Variants in NDRG2 observed in about 807,000 individuals in gnomAD.
NDRG2 encodes NDRG family member 2, also known as protein NDRG2.
In NDRG2, 34 loss-of-function variants were observed where a neutral mutation model predicts 58.2. That is an observed-to-expected ratio of 0.58 (90% confidence interval 0.44 to 0.78). NDRG2 has a LOEUF of 0.78. NDRG2 is among the 30% of genes least tolerant of loss of function. NDRG2 has a pLI of 0.00. For synonymous variants in NDRG2, 187 were observed against 175.9 expected (o/e 1.06, Z -0.50); for missense variants, 434 against 471.2 (o/e 0.92, Z 0.73).
chr14:21,027,435 A>G (rs747460572), upstream of NDRG2, among the ~76,000 whole-genome samples: 2 of 152,240 alleles, frequency 1.3e-5, no homozygotes, highest in Non-Finnish European at 2.9e-5. Flanking sequence ...ACATTTTGAC[A>G]TTTGTCAAGA....
At position 21,052,744 on chromosome 14, in the gene NDRG2, T is replaced by C. The variant is rs144118463; in HGVS notation, c.24+18084A>G. 2.8e-3 allele frequency among the ~76,000 whole-genome samples: 433 copies of C among 152,270 alleles called. 2 individuals are homozygous for C. Among genetic ancestry groups the C allele is most frequent in the Middle Eastern group, 0.017 (5 of 294 alleles). ...CCACTGGAGATAAACAGATGATCTT[T>C]AGAGAAATGATGCAGGAAAAGGAAT... is the stretch of plus-strand genomic sequence containing the variant. On this transcript the variant is annotated intron_variant, in intron 1 of 14. Coordinates refer to the NDRG2 transcript ENST00000403829.
chr14:21,067,899 T>C (rs1180880739), intron 1 of NDRG2, among the ~76,000 whole-genome samples: 2 of 151,418 alleles, frequency 1.3e-5, no homozygotes, highest in Non-Finnish European at 2.9e-5. Flanking sequence ...TTAAAACTCC[T>C]GGAAAGAAGG....
At position 21,070,768 on chromosome 14, in the gene NDRG2, G is replaced by T; in HGVS notation, c.24+60C>A. ...AGCTCCTTACCCGCGGGAGACCCCTGCGGGTTGGTCCTGCAGCGACCCTGG... is the reference window on the plus strand; with the variant it reads ...AGCTCCTTACCCGCGGGAGACCCCTTCGGGTTGGTCCTGCAGCGACCCTGG... On this transcript the variant is annotated intron_variant, in intron 1 of 14. Coordinates refer to the NDRG2 transcript ENST00000403829. The surrounding 1 kb of genome is among the most constrained non-coding windows in gnomAD (Gnocchi z 4.7). The T allele has an allele frequency of 6.6e-7, 1 of 1,523,162 alleles. No homozygotes were observed. The highest frequency in any genetic ancestry group is 1.4e-5 in the African/African-American group (1 of 72,834). 94.4% of individuals were successfully genotyped at this position (1,523,162 alleles called of 1,614,324 possible).
At chr14:21,029,070 A>C (rs1883887017), upstream of NDRG2, 1 of 152,220 alleles carries the variant, frequency 6.6e-6, no homozygotes, top group African/African-American at 2.4e-5. Context: ...CCTCACCCTC[A>C]GTCTATCCCA....
At chr14:21,025,431 C>G (rs1216420791), upstream of NDRG2, 9 of 985,580 alleles carry the variant, frequency 9.1e-6, no homozygotes, top group Non-Finnish European at 9.6e-6. This position sits in a 1 kb window ranked among gnomAD's most constrained non-coding sequence, Gnocchi z 5.1. Flanking sequence ...TTCCTTCGCC[C>G]CCAGACTCAG....
upstream of NDRG2, chr14:21,025,765 T>TTTTG: frequency 7.2e-6 from 1 of 139,056 alleles, no homozygotes; most frequent in Non-Finnish European, 9.7e-6. The surrounding 1 kb of genome is among the most constrained non-coding windows in gnomAD (Gnocchi z 5.1). Context: ...GGGCGGGGAA[T>TTTTG]GCGGGGGGCC....
At chr14:21,027,590 A>G (rs1883779878), upstream of NDRG2, among the ~76,000 whole-genome samples, 1 of 152,212 alleles carries the variant, frequency 6.6e-6, no homozygotes, top group African/African-American at 2.4e-5. Flanking sequence ...GATGGAGAAA[A>G]TGCAAACTAT....
chr14:21,031,488 A>G lies in NDRG2; in HGVS notation c.25-8167T>C, dbSNP rs544832025. ...GATGCCCACTCCTCTTCCAATTCTT[A>G]TTTAGGGTTTAATCTCAGGCCTCCT... On this transcript the variant is annotated intron_variant, in intron 1 of 14. Coordinates refer to the NDRG2 transcript ENST00000403829. Among the ~76,000 whole-genome samples the G allele has an allele frequency of 1.2e-4, 19 of 152,280 alleles. No individual in the cohort carries two copies. The South Asian group carries it at 3.9e-3, about 32-fold the overall frequency.
rs553289816 is a variant in NDRG2 at position 21,063,041 on chromosome 14, G to C, written c.24+7787C>G. ...GCTACTGGGGATGCTGAAGTGGGAG[G>C]ATTGCTTGAGCCCAGGAGGTGGTGG... On this transcript the variant is annotated intron_variant, in intron 1 of 14. Coordinates refer to the NDRG2 transcript ENST00000403829. Among the ~76,000 whole-genome samples, 6 of 151,786 alleles carry C rather than the reference G, an allele frequency of 4.0e-5. No individual in the cohort carries two copies. In the South Asian group the frequency reaches 1.2e-3, roughly 32 times the overall value.
intron 1 of NDRG2, among the ~76,000 whole-genome samples, chr14:21,048,910 T>C (rs1885334602): frequency 6.6e-6 from 1 of 152,166 alleles, no homozygotes; most frequent in South Asian, 2.1e-4. Flanking sequence ...AAGGACAATA[T>C]GTATTAGTTT....
chr14:21,035,107 C>A (rs1884533286), intron 1 of NDRG2, among the ~76,000 whole-genome samples: 1 of 152,252 alleles, frequency 6.6e-6, no homozygotes, highest in Non-Finnish European at 1.5e-5. Context: ...CCCAGGAGGG[C>A]ATGTACTCAG....
At chr14:21,043,044 G>A in intron 1 of NDRG2, 1 of 1,614,184 alleles carries the variant, frequency 6.2e-7, no homozygotes, top group Non-Finnish European at 8.5e-7. Flanking sequence ...TCTGCTGCTG[G>A]GGCTGTGGGT....
intron 1 of NDRG2, 87 bp from the exon 2 acceptor site, chr14:21,023,408 A>G (rs1881907690): frequency 1.6e-6 from 2 of 1,240,152 alleles, no homozygotes; most frequent in Non-Finnish European, 1.2e-6. Flanking sequence ...CAGCACAGGA[A>G]GATGCAGGGA....
chr14:21,052,271 C>G (rs942627897), intron 1 of NDRG2, among the ~76,000 whole-genome samples: 1 of 152,186 alleles, frequency 6.6e-6, no homozygotes, highest in South Asian at 2.1e-4. Flanking sequence ...TCCTGTCCCA[C>G]GAGTTTACCG....
chr14:21,020,780 T>C lies in NDRG2; in HGVS notation c.468+4A>G. On this transcript the variant is annotated splice_donor_region_variant and intron_variant, in intron 7 of 15. Transcript: ENST00000556147. ...TTCCCTCCTCTGGGCTTTTTATTTC[T>C]TACAGCATATCTCGCCAGGATGTAG... 2.5e-6 allele frequency: 4 copies of C among 1,614,124 alleles called. No homozygotes were observed. Among genetic ancestry groups the C allele is most frequent in the Non-Finnish European group, 2.5e-6 (3 of 1,180,012 alleles).
chr14:21,047,732 A>G (rs1369808657), intron 1 of NDRG2, among the ~76,000 whole-genome samples: 1 of 152,176 alleles, frequency 6.6e-6, no homozygotes, highest in African/African-American at 2.4e-5. Context: ...GGAGTAAAGG[A>G]GCGGAAATGG....
At chr14:21,045,206 C>T (rs532130286) in intron 1 of NDRG2, among the ~76,000 whole-genome samples, 3 of 152,180 alleles carry the variant, frequency 2.0e-5, no homozygotes, top group South Asian at 2.1e-4. Context: ...AGGACAAGCC[C>T]GCAGGCAGAG....
chr14:21,018,528 G>A (rs187310408), intron 12 of NDRG2, 24 bp from the exon 13 acceptor site: 3 of 1,613,008 alleles, frequency 1.9e-6, no homozygotes, highest in East Asian at 2.2e-5. Context: ...GAGGCTGAAT[G>A]AATGAGGTCA....
In NDRG2 at chr14:21,048,882, G is replaced by C. The variant is rs577171552; in HGVS notation, c.24+21946C>G. On this transcript the variant is annotated intron_variant, in intron 1 of 14. Coordinates refer to the NDRG2 transcript ENST00000403829. ...TCCTAGCCAAGAGTAGATAAGGGAA[G>C]GTTCAAGGTCAGACAAAAAGGACAA... is the stretch of plus-strand genomic sequence containing the variant. Among the ~76,000 whole-genome samples, 10 of 152,314 alleles carry C rather than the reference G, an allele frequency of 6.6e-5. No individual in the cohort carries two copies. The South Asian group carries it at 2.1e-3, about 32-fold the overall frequency.
Sources: allele counts gnomAD v4.1 joint callset (sites outside exome capture counted in the v4.1 genomes callset), GRCh38; gene constraint gnomAD v4.1.1; non-coding constraint Gnocchi (gnomAD v3.1); transcripts MANE v1.5; gene names NCBI Gene and HGNC (gene_info 2026-07-23, HGNC 2026-07-21).